Variants in TRPC4AP observed in about 807,000 individuals in gnomAD.
The protein encoded by TRPC4AP is transient receptor potential cation channel subfamily C member 4 associated protein.
Under a neutral mutation model 99.0 loss-of-function variants are expected in TRPC4AP, and 45 were observed. The observed-to-expected ratio is 0.45, with a 90% CI of 0.36 to 0.58. TRPC4AP has a LOEUF of 0.58. Among genes scored for constraint, TRPC4AP ranks in the 20% least tolerant of loss-of-function variants. TRPC4AP has a pLI of 0.00. For synonymous variants in TRPC4AP, 408 were observed against 385.8 expected, an observed-to-expected ratio of 1.06 and a Z score of -0.67; for missense variants, 879 against 985.3, an observed-to-expected ratio of 0.89 and a Z score of 1.44.
chr20:35,008,578 T>C, intron 13 of TRPC4AP, 86 bp downstream of exon 13: 1 of 1,152,416 alleles, frequency 8.7e-7, no homozygotes, highest in Non-Finnish European at 1.3e-6. Context: ...TGGACGCTGG[T>C]GACTAAAGGA....
In TRPC4AP at chr20:35,086,495, A is replaced by G. The variant is rs11697687; in HGVS notation, c.168+6119T>C. On this transcript the variant is annotated intron_variant, in intron 1 of 18. Coordinates refer to ENST00000252015, the MANE Select transcript of TRPC4AP (RefSeq NM_015638.3). The stretch of plus-strand genomic sequence containing the variant: ...TGTGTGTATGTGTGTGTATATATAT[A>G]TGTGTATATATATGTGTGTGTGTGT... 1.1e-3 allele frequency among the ~76,000 whole-genome samples: 124 copies of G among 109,144 alleles called. 3 individuals are homozygous for G. Among genetic ancestry groups the G allele is most frequent in the African/African-American group, 2.9e-3 (83 of 28,326 alleles). The allele number at this position is 109,144 out of a possible 152,430, so 71.6% of individuals were successfully genotyped here. A position where few individuals can be genotyped will look rare whatever the true frequency, so the allele number is the denominator to read the frequency against.
At chr20:35,082,136 G>A (rs1192366978) in intron 1 of TRPC4AP, among the ~76,000 whole-genome samples, 2 of 152,090 alleles carry the variant, frequency 1.3e-5, no homozygotes, top group African/African-American at 4.8e-5. Context: ...AGCAAAAACT[G>A]ACAAGGCTAA....
intron 5 of TRPC4AP, among the ~76,000 whole-genome samples, 158 bp downstream of exon 5, chr20:35,054,818 C>A (rs1423656622): frequency 1.3e-5 from 2 of 152,174 alleles, no homozygotes; most frequent in Non-Finnish European, 2.9e-5. Context: ...TAATTTCTAC[C>A]AGTTAGTCCT....
chr20:35,039,142 A>G (rs1044217620), intron 7 of TRPC4AP, among the ~76,000 whole-genome samples: 3 of 152,152 alleles, frequency 2.0e-5, no homozygotes, highest in Non-Finnish European at 4.4e-5. Flanking sequence ...AAATCTTCAC[A>G]TAGCTGGATT....
At chr20:35,004,250 C>T (rs973384238) in intron 17 of TRPC4AP, among the ~76,000 whole-genome samples, 6 of 152,178 alleles carry the variant, frequency 3.9e-5, no homozygotes, top group Non-Finnish European at 7.3e-5. Context: ...TGCAAGTCAG[C>T]CTGTGACCTG....
chr20:35,083,714 TA>T (rs761897677), intron 1 of TRPC4AP, among the ~76,000 whole-genome samples: 601 of 139,374 alleles, frequency 4.3e-3, no homozygotes, highest in African/African-American at 6.4e-3. Context: ...CTGCAAGCTT[TA>T]AAAAAAAAAA....
rs775956861 is a variant in TRPC4AP at position 35,003,478 on chromosome 20, G to T, written c.2188C>A (p.His730Asn). Reference protein sequence around the residue: ...KYPGFLLNNFHNLLRFWQQHY... With the variant: ...KYPGFLLNNFNNLLRFWQQHY... ...TGCTGCCAGAAGCGCAGCAGGTTGT[G>T]GAAGTTGTTGAGCAGGAAGCCGGGG... is the stretch of plus-strand genomic sequence containing the variant. The change falls in exon 18 of 19, where the codon CAC becomes AAC. Residue 730 changes from histidine (H) to asparagine (N), a missense_variant. Transcript: ENST00000252015. 1 of 1,614,116 alleles carries T rather than the reference G, an allele frequency of 6.2e-7. No homozygotes were observed. The highest frequency in any genetic ancestry group is 1.7e-5 in the Admixed American group (1 of 60,032).
intron 4 of TRPC4AP, among the ~76,000 whole-genome samples, chr20:35,056,843 G>A (rs1045710036): frequency 7.3e-5 from 11 of 151,570 alleles, no homozygotes; most frequent in Non-Finnish European, 1.5e-4. Context: ...AAAATTAGCC[G>A]GGTATGGTGG....
At chr20:35,004,879 T>TC (rs1312572828) in intron 16 of TRPC4AP, among the ~76,000 whole-genome samples, 1 of 152,058 alleles carries the variant, frequency 6.6e-6, no homozygotes, top group African/African-American at 2.4e-5. Context: ...ACAGAAGAGT[T>TC]CCCTCCACAG....
intron 4 of TRPC4AP, among the ~76,000 whole-genome samples, chr20:35,056,592 A>G (rs892867425): frequency 1.3e-5 from 2 of 152,206 alleles, no homozygotes; most frequent in African/African-American, 4.8e-5. Context: ...AATTAAAAAA[A>G]CGCAAAGTTG....
Position 35,071,262 on chromosome 20 carries a change from TTTTA to T in TRPC4AP, c.298-1854_298-1851del, listed in dbSNP as rs201952218. On this transcript the variant is annotated intron_variant, in intron 2 of 18. Coordinates refer to ENST00000252015, the MANE Select transcript of TRPC4AP (RefSeq NM_015638.3). ...TTACGTTCAATATAACTTACATGGTTTTTATTTATTTATTTTTGCTGTTTTTTAT... is the reference window on the plus strand; with the variant it reads ...TTACGTTCAATATAACTTACATGGTTTTTATTTATTTTTGCTGTTTTTTAT... 5.5e-3 allele frequency among the ~76,000 whole-genome samples: 837 copies of T among 152,296 alleles called. 5 individuals are homozygous for T. The highest frequency in any genetic ancestry group is 0.018 in the African/African-American group (739 of 41,554).
intron 10 of TRPC4AP, 69 bp downstream of exon 10, chr20:35,015,939 G>C: frequency 6.3e-7 from 1 of 1,595,088 alleles, no homozygotes; most frequent in Non-Finnish European, 8.6e-7. Context: ...CAAAGGGTCA[G>C]CAGCAGGTCT....
intron 2 of TRPC4AP, among the ~76,000 whole-genome samples, chr20:35,070,933 G>A (rs574530898): frequency 3.9e-5 from 6 of 152,156 alleles, no homozygotes; most frequent in Non-Finnish European, 8.8e-5. Flanking sequence ...CTTACTTAAT[G>A]AATAAAGAAA....
chr20:35,003,447 T>C lies in TRPC4AP; in HGVS notation c.2219A>G (p.Tyr740Cys). 6.2e-7 allele frequency: 1 copy of C among 1,614,098 alleles called. No homozygotes were observed. The highest frequency in any genetic ancestry group is 8.5e-7 in the Non-Finnish European group (1 of 1,180,014). Reference sequence around the variant, plus strand: ...GGTGCTGTCCTTGTCCTTGTGCAGGTAGTGCTGCTGCCAGAAGCGCAGCAG... The same window carrying C: ...GGTGCTGTCCTTGTCCTTGTGCAGGCAGTGCTGCTGCCAGAAGCGCAGCAG... ...HNLLRFWQQH[Y>C]LHKDKDSTCL... The change falls in exon 18 of 19, where the codon TAC (tyrosine) becomes TGC (cysteine). Residue 740 changes from tyrosine (Y) to cysteine (C), a missense_variant. Tyr to Cys is a radical substitution (Grantham distance 194). This residue lies in a region of TRPC4AP where 224 missense variants were observed against 264.7 expected (regional missense o/e 0.85). Coordinates refer to ENST00000252015, the MANE Select transcript of TRPC4AP (RefSeq NM_015638.3).
chr20:35,069,547 C>T, intron 2 of TRPC4AP, 135 bp from the exon 3 acceptor site: 2 of 625,796 alleles, frequency 3.2e-6, no homozygotes, highest in Non-Finnish European at 5.7e-6. Context: ...ACCACACTTC[C>T]TAGTATTCAG....
At chr20:35,092,463 G>A (rs1045753761) in intron 1 of TRPC4AP, 151 bp downstream of exon 1, 1 of 956,850 alleles carries the variant, frequency 1.0e-6, no homozygotes, top group East Asian at 3.3e-5. Context: ...CGCTGCAGCT[G>A]AGAGCGTCCG....
At chr20:35,080,651 G>T (rs1020805953) in intron 1 of TRPC4AP, among the ~76,000 whole-genome samples, 10 of 151,966 alleles carry the variant, frequency 6.6e-5, no homozygotes, top group African/African-American at 2.4e-4. Context: ...AAAGATCACT[G>T]GTTGGCAAAG....
chr20:35,089,395 GTTT>G (rs35461400), intron 1 of TRPC4AP, among the ~76,000 whole-genome samples: 149 of 130,284 alleles, frequency 1.1e-3, no homozygotes, highest in Admixed American at 3.9e-3. Flanking sequence ...CCTGGTTAAT[GTTT>G]TTTTTTTTTT....
At chr20:35,027,411 C>T (rs2083058840) in intron 8 of TRPC4AP, among the ~76,000 whole-genome samples, 1 of 152,136 alleles carries the variant, frequency 6.6e-6, no homozygotes. Context: ...GTATACAATC[C>T]TTGTATGTTG....
Sources: gnomAD v4.1 joint callset for allele counts (sites outside exome capture counted in the v4.1 genomes callset) on GRCh38, gnomAD v4.1.1 for gene constraint, gnomAD v4.1.1 regional missense constraint, MANE v1.5 for transcripts, NCBI Gene and HGNC (gene_info 2026-07-23, HGNC 2026-07-21) for gene names.